The following VMP1 variants were observed in gnomAD, a reference collection of about 807,000 sequenced individuals.
VMP1 encodes vacuole membrane protein 1, also known as ectopic P-granules autophagy protein 3 homolog.
A neutral mutation model predicts 56.0 loss-of-function variants in VMP1; 11 were observed. The observed-to-expected ratio is 0.20, with a 90% CI of 0.12 to 0.32. VMP1 has a LOEUF of 0.32. Ranked by LOEUF, VMP1 falls within the 10% of genes least tolerant of loss-of-function variation. The pLI is 1.00. For synonymous variants in VMP1, 149 were observed against 165.0 expected, an observed-to-expected ratio of 0.90 and a Z score of 0.74; for missense variants, 296 against 490.3, an observed-to-expected ratio of 0.60 and a Z score of 3.74.
chr17:59,762,798 T>C (rs1349114615), intron 5 of VMP1, among the ~76,000 whole-genome samples: 1 of 152,196 alleles, frequency 6.6e-6, no homozygotes, highest in Non-Finnish European at 1.5e-5. Context: ...AATCAGATTG[T>C]TGAAAATTTC....
At chr17:59,808,964 A>C (rs1256779253) in intron 8 of VMP1, 88 bp downstream of exon 8, 1 of 1,075,422 alleles carries the variant, frequency 9.3e-7, no homozygotes, top group African/African-American at 1.6e-5. Context: ...CAAAAGTGCT[A>C]TCACTTTTAT....
chr17:59,806,593 T>C (rs1331589844), intron 7 of VMP1, among the ~76,000 whole-genome samples: 1 of 151,482 alleles, frequency 6.6e-6, no homozygotes, highest in African/African-American at 2.4e-5. Flanking sequence ...CGGGCGCCTG[T>C]AATCCCAGCT....
At chr17:59,714,848 T>C (rs1385431283) in intron 1 of VMP1, among the ~76,000 whole-genome samples, 2 of 151,988 alleles carry the variant, frequency 1.3e-5, no homozygotes, top group African/African-American at 4.8e-5. Context: ...CAGGAGTAAT[T>C]TTTTAATTTT....
chr17:59,718,726 C>T (rs1208284202), intron 1 of VMP1, among the ~76,000 whole-genome samples: 1 of 151,776 alleles, frequency 6.6e-6, no homozygotes, highest in Non-Finnish European at 1.5e-5. Context: ...GAGATGGGGT[C>T]TCACTGTGTT....
intron 10 of VMP1, among the ~76,000 whole-genome samples, chr17:59,834,687 C>T (rs535772742): frequency 9.4e-5 from 14 of 148,914 alleles, no homozygotes; most frequent in Middle Eastern, 3.6e-3. Context: ...TGGAGTGGTG[C>T]GATCTGGGCT....
At chr17:59,765,680 AG>A (rs759247195) in intron 6 of VMP1, among the ~76,000 whole-genome samples, 22 of 152,068 alleles carry the variant, frequency 1.4e-4, no homozygotes, top group Non-Finnish European at 3.2e-4. Flanking sequence ...CATGTTGAAG[AG>A]GCTGAGGCTG....
At chr17:59,791,021 G>T (rs1453616948) in intron 7 of VMP1, among the ~76,000 whole-genome samples, 2 of 151,998 alleles carry the variant, frequency 1.3e-5, no homozygotes, top group Admixed American at 6.6e-5. Context: ...CTCCTAGCAT[G>T]AAATCATAAC....
rs2039102865 is a variant in VMP1, at chr17:59,839,814, T to C, written c.1124T>C (p.Met375Thr). ...SWMFEKLVVV[M>T]VCYFILSIIN... ...ATGTTTGAAAAGTTGGTCGTTGTCA[T>C]GGTGTGTTACTTCATCCTATCTATC... Residue 375 changes from methionine to threonine, a missense_variant, in exon 12 of 12, where the codon ATG becomes ACG. By Grantham distance (81) the Met-to-Thr change is moderately conservative. Around this residue, in one of 4 missense-constraint regions of VMP1, gnomAD observed 95 missense variants for 137.6 expected, o/e 0.69. Coordinates refer to ENST00000262291, the MANE Select transcript of VMP1 (RefSeq NM_030938.5). 1.2e-6 allele frequency: 2 copies of C among 1,613,504 alleles called. No individual in the cohort carries two copies. The highest frequency in any genetic ancestry group is 1.7e-6 in the Non-Finnish European group (2 of 1,179,934).
chr17:59,721,591 G>A (rs1374349633), intron 1 of VMP1, among the ~76,000 whole-genome samples: 4 of 151,672 alleles, frequency 2.6e-5, no homozygotes, highest in Non-Finnish European at 5.9e-5. Flanking sequence ...TGGATAAAAG[G>A]TAGTCTAGCT....
intron 6 of VMP1, among the ~76,000 whole-genome samples, chr17:59,767,925 A>G (rs1247945132): frequency 6.6e-6 from 1 of 151,880 alleles, no homozygotes; most frequent in Non-Finnish European, 1.5e-5. Context: ...CCTGGCCAAC[A>G]TGGTGAAACC....
chr17:59,829,606 G>T (rs1322998493), intron 10 of VMP1, among the ~76,000 whole-genome samples: 3 of 152,044 alleles, frequency 2.0e-5, no homozygotes, highest in African/African-American at 7.2e-5. Flanking sequence ...CTGCCTAGGG[G>T]GTAGGAAGGA....
At chr17:59,832,182 C>CTTTTTTTT (rs766864144) in intron 10 of VMP1, among the ~76,000 whole-genome samples, 9 of 102,782 alleles carry the variant, frequency 8.8e-5, no homozygotes, top group South Asian at 2.9e-4. Flanking sequence ...ATGAGATCAA[C>CTTTTTTTT]TTTTTTTTTT....
At chr17:59,833,679 C>G (rs941506173) in intron 10 of VMP1, among the ~76,000 whole-genome samples, 1 of 152,160 alleles carries the variant, frequency 6.6e-6, no homozygotes, top group Admixed American at 6.5e-5. Context: ...TGTACTCTAT[C>G]AGCTAAAATG....
At chr17:59,801,099 T>A (rs1348812294) in intron 7 of VMP1, among the ~76,000 whole-genome samples, 2,883 of 128,604 alleles carry the variant, frequency 0.022, 245 homozygotes, top group African/African-American at 0.095. Context: ...AAAATATATA[T>A]ATATATATAT....
intron 6 of VMP1, 127 bp downstream of exon 6, chr17:59,765,265 A>G (rs1311867631): frequency 4.5e-6 from 5 of 1,114,302 alleles, no homozygotes; most frequent in Non-Finnish European, 6.2e-6. Context: ...CCAGCTACCT[A>G]CTTCCAAGGC....
intron 7 of VMP1, among the ~76,000 whole-genome samples, chr17:59,797,162 C>A (rs564144250): frequency 6.6e-6 from 1 of 150,406 alleles, no homozygotes; most frequent in African/African-American, 2.4e-5. Context: ...TGAAACCCCC[C>A]CCCCGTCTCT....
chr17:59,726,524 C>G (rs577578836), intron 1 of VMP1, among the ~76,000 whole-genome samples: 2 of 152,110 alleles, frequency 1.3e-5, no homozygotes, highest in Non-Finnish European at 2.9e-5. Context: ...GAACTCCTGA[C>G]CTCGGGTGAT....
At chr17:59,771,608 T>G (rs1019685371) in intron 6 of VMP1, among the ~76,000 whole-genome samples, 51 of 140,944 alleles carry the variant, frequency 3.6e-4, no homozygotes, top group African/African-American at 1.3e-3. Flanking sequence ...TTTTTTTGGT[T>G]TTTTTTTTTT....
intron 1 of VMP1, among the ~76,000 whole-genome samples, chr17:59,711,072 C>CAA (rs34793194): frequency 1.5e-4 from 19 of 126,100 alleles, no homozygotes; most frequent in Non-Finnish European, 2.1e-4. Context: ...GACTCCATCT[C>CAA]AAAAAAAAAA....
Sources: allele counts gnomAD v4.1 joint callset (sites outside exome capture counted in the v4.1 genomes callset), GRCh38; gene constraint gnomAD v4.1.1; regional missense constraint gnomAD v4.1.1; transcripts MANE v1.5; gene names NCBI Gene and HGNC (gene_info 2026-07-23, HGNC 2026-07-21).